The following UBE2D2 variants were observed in gnomAD, a reference collection of about 807,000 sequenced individuals.
UBE2D2 encodes ubiquitin-conjugating enzyme E2 D2.
A neutral mutation model predicts 24.2 loss-of-function variants in UBE2D2; 2 were observed. The observed-to-expected ratio is 0.08, with a 90% CI of 0.03 to 0.26. UBE2D2 has a LOEUF of 0.26. Among genes scored for constraint, UBE2D2 ranks in the 10% least tolerant of loss-of-function variants. The pLI, the probability that UBE2D2 is intolerant of heterozygous loss-of-function variation, is 1.00. For synonymous variants in UBE2D2, 58 were observed against 56.5 expected (o/e 1.03, Z -0.12); for missense variants, 44 against 177.6 (o/e 0.25, Z 4.28).
intron 1 of UBE2D2, among the ~76,000 whole-genome samples, chr5:139,551,411 G>A (rs1299164018): frequency 6.6e-6 from 1 of 152,174 alleles, no homozygotes; most frequent in Non-Finnish European, 1.5e-5. Context: ...CTTCTCCAAG[G>A]ACAGAAGAGG....
intron 6 of UBE2D2, chr5:139,623,700 G>GTT: frequency 8.8e-6 from 3 of 341,196 alleles, no homozygotes; most frequent in Non-Finnish European, 1.1e-5. Flanking sequence ...TTTTTTGTTT[G>GTT]TTTTTTTTTG....
chr5:139,627,602 T>C lies in UBE2D2; in HGVS notation c.*801T>C, dbSNP rs1754659775. 1 of 152,708 alleles carries C rather than the reference T, an allele frequency of 6.5e-6. No homozygotes were observed. The highest frequency in any genetic ancestry group is 2.4e-5 in the African/African-American group (1 of 41,478). The allele number at this position is 152,708 out of a possible 1,614,324, so 9.5% of individuals were successfully genotyped here. A position where few individuals can be genotyped will look rare whatever the true frequency, so the allele number is the denominator to read the frequency against. Reference sequence around the variant, plus strand: ...TTCATTTGATGGAAATACTTGTGTATATTTAAAGACCCAATTGCTCCTCTG... The same window carrying C: ...TTCATTTGATGGAAATACTTGTGTACATTTAAAGACCCAATTGCTCCTCTG... On this transcript the variant is annotated 3_prime_UTR_variant, in exon 7 of 7. Transcript: ENST00000398733.
At chr5:139,568,609 A>G (rs1278910726) in intron 1 of UBE2D2, among the ~76,000 whole-genome samples, 2 of 151,980 alleles carry the variant, frequency 1.3e-5, no homozygotes, top group East Asian at 1.9e-4. Flanking sequence ...GTAAGTGGAG[A>G]TCGCGCCGCT....
intron 2 of UBE2D2, among the ~76,000 whole-genome samples, chr5:139,611,302 T>C (rs1754315007): frequency 6.8e-6 from 1 of 146,542 alleles, no homozygotes; most frequent in Non-Finnish European, 1.5e-5. Flanking sequence ...TTCTCCTGCC[T>C]CAGCCTCCTG....
intron 1 of UBE2D2, among the ~76,000 whole-genome samples, chr5:139,598,016 C>T (rs1561515604): frequency 6.6e-6 from 1 of 152,172 alleles, no homozygotes; most frequent in South Asian, 2.1e-4. Context: ...ATTCTTCTGC[C>T]TCAGCCTCCC....
intron 1 of UBE2D2, among the ~76,000 whole-genome samples, chr5:139,577,563 G>A (rs1753501511): frequency 6.6e-6 from 1 of 151,908 alleles, no homozygotes; most frequent in Admixed American, 6.6e-5. Flanking sequence ...ACAGGTGCAT[G>A]CCACCACGTC....
chr5:139,554,875 T>C (rs1752960877), intron 1 of UBE2D2: 1 of 152,144 alleles, frequency 6.6e-6, no homozygotes, highest in African/African-American at 2.4e-5. Context: ...CTAGTGGGTA[T>C]GAAATGATAT....
At chr5:139,595,065 C>T (rs1753931160) in intron 1 of UBE2D2, among the ~76,000 whole-genome samples, 1 of 152,090 alleles carries the variant, frequency 6.6e-6, no homozygotes, top group Non-Finnish European at 1.5e-5. Context: ...TCATTTTTTC[C>T]CCAGTGTATT....
At position 139,561,666 on chromosome 5, in the gene UBE2D2, T is replaced by G. The variant is rs1032884535; in HGVS notation, c.-126T>G. ...TCAGCCCGTCCCGCCGGACCCGCTT[T>G]CCTCAACTCTCCATCTTCTCCTGCC... On this transcript the variant is annotated 5_prime_UTR_variant, in exon 1 of 7. Coordinates refer to ENST00000398733, the MANE Select transcript of UBE2D2 (RefSeq NM_003339.3). 7.3e-6 allele frequency: 5 copies of G among 682,078 alleles called. No individual in the cohort carries two copies. The highest frequency in any genetic ancestry group is 6.8e-5 in the East Asian group (2 of 29,252). 42.3% of individuals were successfully genotyped at this position (682,078 alleles called of 1,614,324 possible).
intron 1 of UBE2D2, among the ~76,000 whole-genome samples, chr5:139,565,060 A>G (rs768301159): frequency 6.6e-6 from 1 of 152,078 alleles, no homozygotes; most frequent in African/African-American, 2.4e-5. Context: ...TCTATAATTG[A>G]TCTTGAACCT....
rs948453184 is a variant in UBE2D2 at position 139,561,716 on chromosome 5, A to G, written c.-76A>G. 7.5e-6 allele frequency: 9 copies of G among 1,204,888 alleles called. No homozygotes were observed. Among genetic ancestry groups the G allele is most frequent in the Admixed American group, 3.5e-5 (1 of 28,196 alleles). 74.6% of individuals were successfully genotyped at this position (1,204,888 alleles called of 1,614,324 possible). A position where few individuals can be genotyped will look rare whatever the true frequency, so the allele number is the denominator to read the frequency against. ...CGACCGAGATCGCCGAGGCGGCCTC[A>G]GGCTCCCTAGCCCCTTCCCCGTCCC... is the stretch of plus-strand genomic sequence containing the variant. On this transcript the variant is annotated 5_prime_UTR_variant, in exon 1 of 7. Coordinates refer to ENST00000398733, the MANE Select transcript of UBE2D2 (RefSeq NM_003339.3).
intron 1 of UBE2D2, among the ~76,000 whole-genome samples, chr5:139,584,840 C>A (rs1753691572): frequency 6.6e-6 from 1 of 150,688 alleles, no homozygotes; most frequent in African/African-American, 2.4e-5. Flanking sequence ...GCCCAAAACA[C>A]CTTTTTCATT....
chr5:139,580,073 A>G (rs982085803), intron 1 of UBE2D2, among the ~76,000 whole-genome samples: 1 of 151,398 alleles, frequency 6.6e-6, no homozygotes, highest in African/African-American at 2.4e-5. Context: ...TTGTTCCCAT[A>G]GATAAGGCTC....
chr5:139,533,649 C>A (rs562144144), intron 1 of UBE2D2, among the ~76,000 whole-genome samples: 1 of 146,460 alleles, frequency 6.8e-6, no homozygotes, highest in Non-Finnish European at 1.5e-5. Context: ...TAAACTCCGT[C>A]TCAAAAAAAA....
intron 5 of UBE2D2, among the ~76,000 whole-genome samples, chr5:139,619,464 G>C (rs191720676): frequency 6.6e-6 from 1 of 151,926 alleles, no homozygotes; most frequent in East Asian, 1.9e-4. Flanking sequence ...AGACTATACA[G>C]GTTATAGAAA....
At chr5:139,544,755 G>A (rs1306338329) in intron 1 of UBE2D2, among the ~76,000 whole-genome samples, 1 of 151,214 alleles carries the variant, frequency 6.6e-6, no homozygotes, top group East Asian at 1.9e-4. Context: ...GAGACTTTCT[G>A]TAACCCACTT....
rs1031515300 is a variant in UBE2D2, at chr5:139,613,362, C to G, written c.89-1224C>G. Among the ~76,000 whole-genome samples, 5 of 152,136 alleles carry G rather than the reference C, an allele frequency of 3.3e-5. 1 individual carries two copies. The highest frequency in any genetic ancestry group is 7.3e-5 in the Non-Finnish European group (5 of 68,028). On this transcript the variant is annotated intron_variant, in intron 2 of 6. Coordinates refer to ENST00000398733, the MANE Select transcript of UBE2D2 (RefSeq NM_003339.3). ...CCCAGTGACAACTTCCCTTAGGTTG[C>G]TCAGATCATAGTATGAATGGTAAGT...
intron 1 of UBE2D2, among the ~76,000 whole-genome samples, chr5:139,569,993 C>A (rs563547259): frequency 4.3e-4 from 66 of 152,298 alleles, no homozygotes; most frequent in Admixed American, 3.1e-3. Flanking sequence ...CACAGTGGCT[C>A]ATGCCTGTAA....
chr5:139,621,766 G>C (rs1053303458), intron 5 of UBE2D2, among the ~76,000 whole-genome samples: 1 of 152,114 alleles, frequency 6.6e-6, no homozygotes, highest in Admixed American at 6.6e-5. Flanking sequence ...GGGACCATAG[G>C]AGTGTGCCAC....
Sources: allele counts gnomAD v4.1 joint callset (sites outside exome capture counted in the v4.1 genomes callset), GRCh38; gene constraint gnomAD v4.1.1; transcripts MANE v1.5; gene names NCBI Gene and HGNC (gene_info 2026-07-23, HGNC 2026-07-21).